Variants in AGPS observed in about 807,000 individuals in gnomAD.
AGPS encodes alkylglycerone phosphate synthase.
Under a neutral mutation model 90.7 loss-of-function variants are expected in AGPS, and 26 were observed. The observed-to-expected ratio is 0.29, with a 90% CI of 0.21 to 0.40. The LOEUF (loss-of-function observed/expected upper bound fraction) is 0.40. Ranked by LOEUF, AGPS falls within the 10% of genes least tolerant of loss-of-function variation. The pLI, the probability that AGPS is intolerant of heterozygous loss-of-function variation, is 1.00. For missense variants in AGPS, 540 were observed against 816.1 expected, an observed-to-expected ratio of 0.66 and a Z score of 4.12; for synonymous variants, 294 against 285.3, an observed-to-expected ratio of 1.03 and a Z score of -0.31.
At chr2:177,458,710 G>A (rs1360165776) in intron 8 of AGPS, among the ~76,000 whole-genome samples, 1 of 152,172 alleles carries the variant, frequency 6.6e-6, no homozygotes, top group African/African-American at 2.4e-5. Flanking sequence ...CCATGCTCAT[G>A]GATAGGAAGA....
intron 14 of AGPS, among the ~76,000 whole-genome samples, chr2:177,502,722 C>A (rs532827252): frequency 1.3e-5 from 2 of 152,100 alleles, no homozygotes; most frequent in Non-Finnish European, 2.9e-5. Flanking sequence ...TGAGCCACTG[C>A]GCCTGGCCTA....
chr2:177,444,232 C>A (rs1686700067), intron 7 of AGPS, among the ~76,000 whole-genome samples: 1 of 151,772 alleles, frequency 6.6e-6, no homozygotes, highest in Non-Finnish European at 1.5e-5. Context: ...ACCAGCCTGG[C>A]CAATGTGGTG....
At chr2:177,510,794 C>A (rs1262572408) in intron 16 of AGPS, among the ~76,000 whole-genome samples, 1 of 152,124 alleles carries the variant, frequency 6.6e-6, no homozygotes, top group African/African-American at 2.4e-5. Flanking sequence ...TTCTTTCAAA[C>A]CTTTAACTAG....
At chr2:177,507,843 T>C in intron 15 of AGPS, 127 bp from the exon 16 acceptor site, 1 of 745,962 alleles carries the variant, frequency 1.3e-6, no homozygotes, top group Non-Finnish European at 2.4e-6. Flanking sequence ...ATGAGGTGGA[T>C]AGTAAAGAGT....
intron 11 of AGPS, among the ~76,000 whole-genome samples, chr2:177,491,386 G>A (rs1688254467): frequency 6.7e-6 from 1 of 149,350 alleles, no homozygotes; most frequent in South Asian, 2.1e-4. Flanking sequence ...AGCCTCCTGA[G>A]TAGCTGGGAC....
At chr2:177,426,689 A>G (rs1466220202) in intron 2 of AGPS, among the ~76,000 whole-genome samples, 1 of 152,234 alleles carries the variant, frequency 6.6e-6, no homozygotes, top group Non-Finnish European at 1.5e-5. Flanking sequence ...GTGATAAATT[A>G]CATTTATTGA....
At position 177,392,988 on chromosome 2, in the gene AGPS, G is replaced by A; in HGVS notation, c.199G>A (p.Ala67Thr). The change falls in exon 1 of 20, where the codon GCC becomes ACC. Residue 67 changes from alanine to threonine, a missense_variant. This residue lies in a region of AGPS where 135 missense variants were observed against 124.0 expected (regional missense o/e 1.09). Coordinates refer to ENST00000264167, the MANE Select transcript of AGPS (RefSeq NM_003659.4). ...ECKARRAASA[A>T]TAAPTATPAA... Reference sequence around the variant, plus strand: ...CAAAGCGCGGAGAGCCGCGTCGGCGGCCACGGCAGCGCCCACGGCCACTCC... The same window carrying A: ...CAAAGCGCGGAGAGCCGCGTCGGCGACCACGGCAGCGCCCACGGCCACTCC... The A allele has an allele frequency of 6.5e-7, 1 of 1,550,070 alleles. No individual in the cohort carries two copies. The highest frequency in any genetic ancestry group is 8.7e-7 in the Non-Finnish European group (1 of 1,146,636).
In AGPS at chr2:177,497,674, T is replaced by G. The variant is rs1688449389; in HGVS notation, c.1286-15T>G. ...ATAGACTAACCTATTAATATAAACT[T>G]TTTTCTCTTCTTAGGTCATGCTCTT... On this transcript the variant is annotated splice_polypyrimidine_tract_variant and intron_variant, in intron 12 of 19. Coordinates refer to ENST00000264167, the MANE Select transcript of AGPS (RefSeq NM_003659.4). 1.3e-6 allele frequency: 2 copies of G among 1,487,972 alleles called. No homozygotes were observed. The highest frequency in any genetic ancestry group is 1.9e-5 in the Admixed American group (1 of 52,978). The allele number at this position is 1,487,972 out of a possible 1,614,324, so 92.2% of individuals were successfully genotyped here. A position where few individuals can be genotyped will look rare whatever the true frequency, so the allele number is the denominator to read the frequency against.
intron 8 of AGPS, among the ~76,000 whole-genome samples, chr2:177,450,655 T>G (rs1270868222): frequency 1.3e-5 from 2 of 152,178 alleles, no homozygotes; most frequent in Non-Finnish European, 2.9e-5. Context: ...GTGCTAATAC[T>G]ATACTGTTTG....
intron 12 of AGPS, 55 bp downstream of exon 12, chr2:177,493,254 C>T: frequency 6.8e-7 from 1 of 1,462,322 alleles, no homozygotes; most frequent in Non-Finnish European, 9.6e-7. Flanking sequence ...ATTTATGAAA[C>T]ATCAGTAGGA....
intron 1 of AGPS, among the ~76,000 whole-genome samples, chr2:177,394,838 T>C (rs79417331): frequency 0.035 from 5,326 of 152,264 alleles, 205 homozygotes; most frequent in African/African-American, 0.097. Flanking sequence ...ACATAACCTT[T>C]CAAAGAATGG....
intron 19 of AGPS, among the ~76,000 whole-genome samples, chr2:177,533,214 A>G (rs2079153341): frequency 6.6e-6 from 1 of 152,156 alleles, no homozygotes; most frequent in African/African-American, 2.4e-5. Flanking sequence ...ATATTTTTCC[A>G]TTGAAGCAAT....
chr2:177,477,139 A>G (rs996772169), intron 10 of AGPS, among the ~76,000 whole-genome samples: 7 of 152,018 alleles, frequency 4.6e-5, no homozygotes, highest in African/African-American at 1.7e-4. Flanking sequence ...TTCACATTTA[A>G]TGTTATTATT....
chr2:177,444,980 G>A (rs1686725625), intron 7 of AGPS, among the ~76,000 whole-genome samples: 1 of 152,142 alleles, frequency 6.6e-6, no homozygotes, highest in South Asian at 2.1e-4. Context: ...TGTACATGGG[G>A]TCTCTGGCCC....
Position 177,539,939 on chromosome 2 carries a change from A to G in AGPS, c.*1744A>G, listed in dbSNP as rs540754346. 1.8e-4 allele frequency: 27 copies of G among 151,558 alleles called. No homozygotes were observed. Among genetic ancestry groups the G allele is most frequent in the Non-Finnish European group, 3.2e-4 (22 of 67,788 alleles). 9.4% of individuals were successfully genotyped at this position (151,558 alleles called of 1,614,324 possible). ...GGAAGTTGCCTCTAGAATTATAAAA[A>G]TCTCAGCTTTATAAAATGCATCTGT... On this transcript the variant is annotated 3_prime_UTR_variant, in exon 20 of 20. Transcript: ENST00000264167.
intron 5 of AGPS, among the ~76,000 whole-genome samples, chr2:177,440,320 A>C (rs1686562760): frequency 6.6e-6 from 1 of 152,132 alleles, no homozygotes; most frequent in African/African-American, 2.4e-5. Flanking sequence ...CATTACTGGA[A>C]ATGAGACATG....
chr2:177,396,942 C>CTTTTTTTT (rs757187515), intron 1 of AGPS, among the ~76,000 whole-genome samples: 10 of 140,568 alleles, frequency 7.1e-5, no homozygotes, highest in African/African-American at 2.3e-4. Context: ...TTTTTCTTTT[C>CTTTTTTTT]TTTTTTTTTT....
At chr2:177,458,369 G>A (rs183223227) in intron 8 of AGPS, among the ~76,000 whole-genome samples, 6 of 152,160 alleles carry the variant, frequency 3.9e-5, no homozygotes, top group East Asian at 1.9e-4. Flanking sequence ...GAAATAAAGC[G>A]TATTCAAATA....
At chr2:177,488,123 T>C (rs140781255) in intron 11 of AGPS, among the ~76,000 whole-genome samples, 34 of 152,284 alleles carry the variant, frequency 2.2e-4, no homozygotes, top group Middle Eastern at 3.4e-3. Context: ...CTCTGACTTA[T>C]TAGTTAGAAG....
Sources: gnomAD v4.1 joint callset for allele counts (sites outside exome capture counted in the v4.1 genomes callset) on GRCh38, gnomAD v4.1.1 for gene constraint, gnomAD v4.1.1 regional missense constraint, MANE v1.5 for transcripts, NCBI Gene and HGNC (gene_info 2026-07-23, HGNC 2026-07-21) for gene names.